The following PDE1C variants were observed in gnomAD, a reference collection of about 807,000 sequenced individuals.
PDE1C encodes dual specificity calcium/calmodulin-dependent 3',5'-cyclic nucleotide phosphodiesterase 1C.
A neutral mutation model predicts 93.1 loss-of-function variants in PDE1C; 62 were observed. The ratio of observed to expected loss-of-function variants is 0.67; its 90% CI spans 0.54 to 0.82. The LOEUF is 0.82. Ranked by LOEUF, PDE1C falls within the 40% of genes least tolerant of loss-of-function variation. The pLI, the probability that PDE1C is intolerant of heterozygous loss-of-function variation, is 0.00. For synonymous variants in PDE1C, 325 were observed against 310.1 expected (o/e 1.05, Z -0.50); for missense variants, 742 against 884.6 (o/e 0.84, Z 2.04).
chr7:32,360,985 C>G (rs146019205), intron 1 of PDE1C, among the ~76,000 whole-genome samples: 1 of 152,096 alleles, frequency 6.6e-6, no homozygotes, highest in Admixed American at 6.5e-5. Flanking sequence ...TAAAAACAAT[C>G]GTAGGAAGGA....
chr7:31,901,123 T>C (rs1362316399), intron 2 of PDE1C, among the ~76,000 whole-genome samples: 1 of 106,274 alleles, frequency 9.4e-6, no homozygotes, highest in African/African-American at 3.1e-5. Flanking sequence ...TGCCCTCTAG[T>C]AGCATTATTT....
At chr7:31,965,048 T>C (rs182813190) in intron 2 of PDE1C, among the ~76,000 whole-genome samples, 1 of 152,090 alleles carries the variant, frequency 6.6e-6, no homozygotes, top group Non-Finnish European at 1.5e-5. Flanking sequence ...AAAATCAGAG[T>C]GCCTCTCCTC....
At chr7:32,281,948 G>T (rs536127848) in intron 1 of PDE1C, among the ~76,000 whole-genome samples, 5 of 152,162 alleles carry the variant, frequency 3.3e-5, no homozygotes, top group Non-Finnish European at 5.9e-5. Flanking sequence ...CGCATAGGTG[G>T]GAGTTGAACA....
At chr7:32,173,593 C>T (rs1802789688) in intron 2 of PDE1C, among the ~76,000 whole-genome samples, 1 of 151,712 alleles carries the variant, frequency 6.6e-6, no homozygotes, top group African/African-American at 2.4e-5. Context: ...CAAAATACTG[C>T]ATTTTTCTAA....
chr7:32,161,786 A>G (rs1357772200), intron 3 of PDE1C, among the ~76,000 whole-genome samples: 1 of 152,006 alleles, frequency 6.6e-6, no homozygotes, highest in Non-Finnish European at 1.5e-5. Context: ...TCCCAACCCA[A>G]CAGCACTGAA....
At chr7:32,268,079 T>C (rs1403710640) in intron 1 of PDE1C, among the ~76,000 whole-genome samples, 2 of 152,206 alleles carry the variant, frequency 1.3e-5, no homozygotes, top group Non-Finnish European at 2.9e-5. Flanking sequence ...CCACCAGCCA[T>C]GCGGGTCACA....
At chr7:32,316,848 T>C (rs1421417934) in intron 1 of PDE1C, among the ~76,000 whole-genome samples, 2 of 152,248 alleles carry the variant, frequency 1.3e-5, no homozygotes, top group East Asian at 3.8e-4. Flanking sequence ...TGATAAATTC[T>C]TGCACATGCA....
At chr7:32,236,235 A>G (rs532268298) in intron 1 of PDE1C, among the ~76,000 whole-genome samples, 2 of 152,288 alleles carry the variant, frequency 1.3e-5, no homozygotes, top group South Asian at 2.1e-4. Flanking sequence ...ACATTCATGT[A>G]TTGGAACACT....
intron 1 of PDE1C, among the ~76,000 whole-genome samples, chr7:32,349,213 T>G (rs1783911670): frequency 6.6e-6 from 1 of 152,226 alleles, no homozygotes; most frequent in Admixed American, 6.5e-5. Context: ...ATTACTCCAT[T>G]CAGTTTAGTT....
At chr7:31,756,840 G>T (rs1413419384) in intron 17 of PDE1C, among the ~76,000 whole-genome samples, 1 of 152,214 alleles carries the variant, frequency 6.6e-6, no homozygotes, top group Non-Finnish European at 1.5e-5. Context: ...AACAGAGCCA[G>T]TTGAACCCTT....
At chr7:31,653,591 G>A in the PDE1C span, 2 of 152,156 alleles carry the variant, frequency 1.3e-5, no homozygotes, top group Non-Finnish European at 2.9e-5. Context: ...GAATTTCCCA[G>A]TGGGCAAATT....
At chr7:32,413,869 G>T (rs1785221275) in intron 1 of PDE1C, among the ~76,000 whole-genome samples, 1 of 152,120 alleles carries the variant, frequency 6.6e-6, no homozygotes, top group Non-Finnish European at 1.5e-5. Flanking sequence ...GTTTATCACA[G>T]AATTGTTTAT....
At chr7:31,960,384 C>A (rs1034034286) in intron 2 of PDE1C, among the ~76,000 whole-genome samples, 2 of 152,064 alleles carry the variant, frequency 1.3e-5, no homozygotes, top group African/African-American at 4.8e-5. Flanking sequence ...CAATTTCTGA[C>A]AAACCAAAGT....
At chr7:31,786,283 T>TG (rs1446403143) in intron 16 of PDE1C, 3 of 151,232 alleles carry the variant, frequency 2.0e-5, no homozygotes, top group African/African-American at 7.3e-5. Flanking sequence ...TTTAGTGCTT[T>TG]TTTTTTTTTG....
chr7:32,316,201 G>T (rs1783167263), intron 1 of PDE1C, among the ~76,000 whole-genome samples: 1 of 152,180 alleles, frequency 6.6e-6, no homozygotes, highest in Non-Finnish European at 1.5e-5. Context: ...TTGAATGAAT[G>T]AATACATGAA....
At chr7:32,339,544 C>CA (rs983704359) in intron 1 of PDE1C, among the ~76,000 whole-genome samples, 1 of 151,848 alleles carries the variant, frequency 6.6e-6, no homozygotes, top group African/African-American at 2.4e-5. Context: ...TTTTAATAAT[C>CA]AAAAAATGAA....
chr7:31,898,436 CT>C (rs1185844427), intron 2 of PDE1C, among the ~76,000 whole-genome samples: 4 of 152,054 alleles, frequency 2.6e-5, no homozygotes, highest in Non-Finnish European at 5.9e-5. Flanking sequence ...AACACTTTCC[CT>C]TGTTATTAAG....
At chr7:32,381,983 ATAAAT>A (rs1169898378) in intron 1 of PDE1C, among the ~76,000 whole-genome samples, 1 of 152,164 alleles carries the variant, frequency 6.6e-6, no homozygotes, top group East Asian at 1.9e-4. Flanking sequence ...GCATTTTTAC[ATAAAT>A]TAATTAATTG....
At chr7:32,344,807 G>GT (rs1585118719) in intron 1 of PDE1C, among the ~76,000 whole-genome samples, 1 of 152,038 alleles carries the variant, frequency 6.6e-6, no homozygotes, top group Middle Eastern at 3.2e-3. Flanking sequence ...ATTTTTGTCT[G>GT]TTTTGTTCTA....
Sources: gnomAD v4.1 joint callset for allele counts (sites outside exome capture counted in the v4.1 genomes callset) on GRCh38, gnomAD v4.1.1 for gene constraint, MANE v1.5 for transcripts, NCBI Gene and HGNC (gene_info 2026-07-23, HGNC 2026-07-21) for gene names.